Variants in MYH11 observed in about 807,000 individuals in gnomAD.
MYH11 encodes myosin heavy chain 11, also known as myosin-11.
In MYH11, 80 loss-of-function variants were observed where a neutral mutation model predicts 246.6. The observed-to-expected ratio is 0.32, with a 90% CI of 0.27 to 0.39. MYH11 has a LOEUF of 0.39. Among genes scored for constraint, MYH11 ranks in the 10% least tolerant of loss-of-function variants. MYH11 has a pLI of 1.00. For missense variants in MYH11, 2,158 were observed against 2,546.8 expected (o/e 0.85, Z 3.29); for synonymous variants, 1,071 against 1,015.5 (o/e 1.05, Z -1.04).
chr16:15,704,498 A>AT (rs1382082068), intron 40 of MYH11, among the ~76,000 whole-genome samples: 2 of 152,112 alleles, frequency 1.3e-5, no homozygotes, highest in Non-Finnish European at 2.9e-5. Flanking sequence ...CAAGCAGGGG[A>AT]TTTTGTCTTC....
At chr16:15,786,495 C>CT (rs1567760765) in intron 5 of MYH11, 135 bp downstream of exon 5, 1 of 900,606 alleles carries the variant, frequency 1.1e-6, no homozygotes, top group South Asian at 1.3e-5. Context: ...GACGGTCCCT[C>CT]TTTGAGTCTT....
chr16:15,729,751 A>G (rs527560571), intron 27 of MYH11, among the ~76,000 whole-genome samples: 1 of 152,036 alleles, frequency 6.6e-6, no homozygotes, highest in Non-Finnish European at 1.5e-5. Flanking sequence ...GGGTTTTGCC[A>G]TGTTGGCCAG....
At chr16:15,721,278 C>G in intron 32 of MYH11, 144 bp downstream of exon 32, 1 of 1,062,230 alleles carries the variant, frequency 9.4e-7, no homozygotes, top group Non-Finnish European at 1.4e-6. Flanking sequence ...CTCCCAGCCC[C>G]TGCACCAGTC....
chr16:15,791,801 G>A (rs1205239549), intron 4 of MYH11: 1 of 151,602 alleles, frequency 6.6e-6, no homozygotes, highest in East Asian at 1.9e-4. Context: ...AATCTCCCAG[G>A]TAGCTGGGAC....
chr16:15,721,186 AGAT>A, intron 32 of MYH11, 135 bp from the exon 33 acceptor site: 1 of 1,047,452 alleles, frequency 9.5e-7, no homozygotes, highest in Non-Finnish European at 1.4e-6. Context: ...CCGGGACTCA[AGAT>A]GACCCCTGAG....
chr16:15,853,077 GT>G (rs1267691742), intron 1 of MYH11, among the ~76,000 whole-genome samples: 2 of 152,156 alleles, frequency 1.3e-5, no homozygotes, highest in African/African-American at 4.8e-5. Flanking sequence ...AACTCGCTGG[GT>G]GATGCTAGGC....
intron 33 of MYH11, 42 bp from the exon 34 acceptor site, chr16:15,720,354 G>C (rs2040402454): frequency 1.3e-6 from 2 of 1,596,594 alleles, no homozygotes. Context: ...ACTTGCCCCT[G>C]GGAGGTCCTT....
intron 3 of MYH11, among the ~76,000 whole-genome samples, chr16:15,809,357 C>A (rs1312694306): frequency 6.6e-6 from 1 of 151,732 alleles, no homozygotes. Context: ...CATAATGAGA[C>A]CTCATCTCTA....
intron 1 of MYH11, among the ~76,000 whole-genome samples, chr16:15,843,117 C>T (rs929397486): frequency 2.0e-5 from 3 of 152,148 alleles, no homozygotes; most frequent in African/African-American, 7.2e-5. Flanking sequence ...CACCTGTAAT[C>T]CCAGCACTTT....
In MYH11 at chr16:15,726,045, C is replaced by T. The variant is rs1596735894; in HGVS notation, c.3858+803G>A. On this transcript the variant is annotated intron_variant, in intron 28 of 40. Transcript: ENST00000300036. The stretch of plus-strand genomic sequence containing the variant: ...TTTTCTACTTACCACAGGGCCTTTG[C>T]ACACGCTGTTCCCTCTGCCTGGTAG... 1.4e-5 allele frequency: 3 copies of T among 218,260 alleles called. No homozygotes were observed. In the East Asian group the frequency reaches 2.8e-4, roughly 21 times the overall value. 13.5% of individuals were successfully genotyped at this position (218,260 alleles called of 1,614,324 possible).
rs2039282058 is a variant in MYH11, at chr16:15,703,244, A to G, written c.*747T>C. On this transcript the variant is annotated 3_prime_UTR_variant, in exon 41 of 41. Coordinates refer to ENST00000300036, the MANE Select transcript of MYH11 (RefSeq NM_002474.3). ...GGGAGCAGCGTCTCCTTTTCAATTC[A>G]TGTGACTACAGAAGGCACTTGGTGA... The G allele has an allele frequency of 4.7e-6, 1 of 215,040 alleles. No individual in the cohort carries two copies. Among genetic ancestry groups the G allele is most frequent in the Non-Finnish European group, 9.4e-6 (1 of 106,472 alleles). 13.3% of individuals were successfully genotyped at this position (215,040 alleles called of 1,614,324 possible).
At chr16:15,852,709 C>T (rs758025702) in intron 1 of MYH11, among the ~76,000 whole-genome samples, 9 of 151,968 alleles carry the variant, frequency 5.9e-5, no homozygotes, top group Non-Finnish European at 7.4e-5. Flanking sequence ...ACTCAGCAAG[C>T]GCATTTCTGG....
chr16:15,767,946 T>C (rs2151287647), intron 9 of MYH11, among the ~76,000 whole-genome samples: 1 of 152,120 alleles, frequency 6.6e-6, no homozygotes, highest in African/African-American at 2.4e-5. Flanking sequence ...AATTTTTTTT[T>C]TTTAAATTTT....
chr16:15,768,546 A>G (rs1567744616), intron 9 of MYH11, among the ~76,000 whole-genome samples: 1 of 152,164 alleles, frequency 6.6e-6, no homozygotes, highest in Non-Finnish European at 1.5e-5. Context: ...GTTGGTTCCT[A>G]TGAGAGTTCG....
intron 1 of MYH11, among the ~76,000 whole-genome samples, chr16:15,848,449 G>A (rs919389085): frequency 6.6e-6 from 1 of 152,010 alleles, no homozygotes; most frequent in African/African-American, 2.4e-5. Flanking sequence ...GGCCAGGCTG[G>A]TCTTGAACTC....
At chr16:15,775,800 C>T (rs568079259) in intron 8 of MYH11, 8 of 495,512 alleles carry the variant, frequency 1.6e-5, no homozygotes, top group South Asian at 7.8e-5. Flanking sequence ...GGACTTGATG[C>T]TCTCTGGTCT....
chr16:15,795,973 C>G (rs2042734005), intron 4 of MYH11, among the ~76,000 whole-genome samples: 1 of 152,076 alleles, frequency 6.6e-6, no homozygotes, highest in African/African-American at 2.4e-5. Context: ...AATATTTATT[C>G]AATGAATAAT....
chr16:15,747,686 C>G lies in MYH11; in HGVS notation c.2295G>C (p.Gln765His), dbSNP rs750809712. ...ELDPNLYRIG[Q>H]SKIFFRTGVL... Reference sequence around the variant, plus strand: ...CGCCAGTTCGGAAGAAGATTTTGCTCTGCCCTATCCTGTATAAGTTGGGGT... The same window carrying G: ...CGCCAGTTCGGAAGAAGATTTTGCTGTGCCCTATCCTGTATAAGTTGGGGT... Residue 765 changes from glutamine (Q) to histidine (H), a missense_variant, in exon 19 of 41, where the codon CAG becomes CAC. Physicochemically the swap from Gln to His is conservative, Grantham distance 24. Transcript: ENST00000300036. The G allele has an allele frequency of 9.9e-6, 16 of 1,614,026 alleles. No individual in the cohort carries two copies. Among genetic ancestry groups the G allele is most frequent in the African/African-American group, 1.3e-5 (1 of 74,926 alleles).
intron 20 of MYH11, among the ~76,000 whole-genome samples, chr16:15,742,981 G>A (rs982544088): frequency 6.9e-6 from 1 of 144,648 alleles, no homozygotes; most frequent in Non-Finnish European, 1.5e-5. Context: ...TGTCCAACTA[G>A]ACAGCTAGGT....
Sources: gnomAD v4.1 joint callset for allele counts (sites outside exome capture counted in the v4.1 genomes callset) on GRCh38, gnomAD v4.1.1 for gene constraint, MANE v1.5 for transcripts, NCBI Gene and HGNC (gene_info 2026-07-23, HGNC 2026-07-21) for gene names.